The following PCDHA5 variants were observed in gnomAD, a reference collection of about 807,000 sequenced individuals.
The protein encoded by PCDHA5 is protocadherin alpha-5.
Under a neutral mutation model 61.6 loss-of-function variants are expected in PCDHA5, and 43 were observed. The observed-to-expected ratio is 0.70, with a 90% CI of 0.55 to 0.90. The LOEUF is 0.90. PCDHA5 is among the 40% of genes least tolerant of loss of function. PCDHA5 has a pLI of 0.00. For missense variants in PCDHA5, 1,298 were observed against 1,222.7 expected, an observed-to-expected ratio of 1.06 and a Z score of -0.92; for synonymous variants, 627 against 543.9, an observed-to-expected ratio of 1.15 and a Z score of -2.13.
intron 3 of PCDHA5, among the ~76,000 whole-genome samples, chr5:140,993,560 A>G (rs2097572904): frequency 6.6e-6 from 1 of 151,740 alleles, no homozygotes; most frequent in Non-Finnish European, 1.5e-5. Context: ...AGTATATAGT[A>G]TCCTTTCTAG....
intron 1 of PCDHA5, among the ~76,000 whole-genome samples, chr5:140,899,462 T>C (rs2067338282): frequency 6.6e-6 from 1 of 152,366 alleles, no homozygotes; most frequent in Admixed American, 6.5e-5. Context: ...GTGGTTTTTG[T>C]CTTTGGTTCT....
chr5:140,905,130 GT>G (rs1448449678), intron 1 of PCDHA5, among the ~76,000 whole-genome samples: 11 of 152,178 alleles, frequency 7.2e-5, no homozygotes, highest in African/African-American at 2.7e-4. Flanking sequence ...GTCTAGAAGA[GT>G]TTTTCTGCTG....
intron 1 of PCDHA5, among the ~76,000 whole-genome samples, chr5:140,906,808 C>A (rs902394073): frequency 6.6e-6 from 1 of 152,214 alleles, no homozygotes; most frequent in Non-Finnish European, 1.5e-5. Flanking sequence ...CTCTTCCTTA[C>A]CTCCACTGTG....
At chr5:140,947,635 G>A (rs1170525936) in intron 1 of PCDHA5, among the ~76,000 whole-genome samples, 1 of 151,538 alleles carries the variant, frequency 6.6e-6, no homozygotes, top group African/African-American at 2.4e-5. Context: ...TCATCAGATC[G>A]TATGAACATA....
chr5:141,007,277 C>T (rs2098312243), intron 3 of PCDHA5, among the ~76,000 whole-genome samples: 1 of 151,304 alleles, frequency 6.6e-6, no homozygotes, highest in Non-Finnish European at 1.5e-5. Context: ...AGGCTGGGTG[C>T]AGTGGGCTCA....
intron 1 of PCDHA5, among the ~76,000 whole-genome samples, chr5:140,889,411 T>A (rs1262087176): frequency 6.6e-6 from 1 of 152,020 alleles, no homozygotes; most frequent in Non-Finnish European, 1.5e-5. Flanking sequence ...CTCGAGTCAG[T>A]TACGTAGATA....
intron 1 of PCDHA5, chr5:140,926,622 G>A: frequency 2.5e-6 from 1 of 396,424 alleles, no homozygotes. Context: ...CCCCTAGGCG[G>A]CGCTGCGCTC....
chr5:140,841,805 G>C (rs1442483448), intron 1 of PCDHA5: 1 of 1,613,818 alleles, frequency 6.2e-7, no homozygotes, highest in African/African-American at 1.3e-5. Context: ...CGATGCAGAT[G>C]TTGGAGCTAA....
At chr5:140,918,046 G>A (rs1159911161) in intron 1 of PCDHA5, among the ~76,000 whole-genome samples, 2 of 152,006 alleles carry the variant, frequency 1.3e-5, no homozygotes, top group African/African-American at 4.8e-5. Flanking sequence ...CTTTCCATTT[G>A]TTTTATCATC....
intron 2 of PCDHA5, 171 bp from the exon 3 acceptor site, chr5:140,982,304 C>G: frequency 8.0e-7 from 1 of 1,244,768 alleles, no homozygotes. Context: ...AGCAATGCTT[C>G]TGCAGTTTAT....
chr5:140,940,770 T>A (rs560965178), intron 1 of PCDHA5, among the ~76,000 whole-genome samples: 5 of 152,270 alleles, frequency 3.3e-5, no homozygotes, highest in Non-Finnish European at 7.3e-5. Context: ...ATTTGACTTT[T>A]GATGGTCCAT....
chr5:140,990,172 TGA>T (rs1341832599), intron 3 of PCDHA5, among the ~76,000 whole-genome samples: 1 of 152,022 alleles, frequency 6.6e-6, no homozygotes, highest in Non-Finnish European at 1.5e-5. Context: ...TATGAAAAGG[TGA>T]CTTTTAAGAA....
intron 1 of PCDHA5, chr5:140,835,829 G>C: frequency 6.2e-7 from 1 of 1,612,474 alleles, no homozygotes; most frequent in Non-Finnish European, 8.5e-7. Context: ...CGGGGGACGC[G>C]GACGCGCAGA....
At chr5:140,946,868 T>C (rs1468330981) in intron 1 of PCDHA5, among the ~76,000 whole-genome samples, 1 of 151,412 alleles carries the variant, frequency 6.6e-6, no homozygotes, top group Admixed American at 6.6e-5. Context: ...GAGAGGTTGG[T>C]CAATGGGTAC....
chr5:140,841,402 G>A (rs2150314669), intron 1 of PCDHA5: 15 of 1,613,154 alleles, frequency 9.3e-6, no homozygotes, highest in Non-Finnish European at 1.3e-5. Flanking sequence ...GGAAGGTGGG[G>A]AGCGGCCAGC....
intron 1 of PCDHA5, among the ~76,000 whole-genome samples, chr5:140,916,438 A>G (rs975528805): frequency 4.6e-5 from 7 of 152,234 alleles, no homozygotes; most frequent in Admixed American, 4.6e-4. Flanking sequence ...TAAGGCCCAC[A>G]GTATACTACC....
chr5:140,860,083 G>T (rs781794157), intron 1 of PCDHA5: 12 of 151,782 alleles, frequency 7.9e-5, no homozygotes, highest in Non-Finnish European at 1.5e-4. Context: ...GAGGCCAGGA[G>T]TTCAAGACCA....
At chr5:140,946,631 T>TATATGTATATAC (rs57893927) in intron 1 of PCDHA5, among the ~76,000 whole-genome samples, 2 of 131,846 alleles carry the variant, frequency 1.5e-5, no homozygotes, top group Non-Finnish European at 3.1e-5. Flanking sequence ...TATATATATA[T>TATATGTATATAC]ACAATGGAAT....
intron 1 of PCDHA5, among the ~76,000 whole-genome samples, chr5:140,900,786 A>C (rs888308882): frequency 2.0e-5 from 3 of 152,152 alleles, no homozygotes; most frequent in African/African-American, 7.2e-5. Flanking sequence ...GAAACTCCAA[A>C]CTGTTCTCCA....
Sources: gnomAD v4.1 joint callset for allele counts (sites outside exome capture counted in the v4.1 genomes callset) on GRCh38, gnomAD v4.1.1 for gene constraint, MANE v1.5 for transcripts, NCBI Gene and HGNC (gene_info 2026-07-23, HGNC 2026-07-21) for gene names.